TATDN1: variants seen among roughly 807,000 people sequenced by gnomAD.
TATDN1 encodes the protein deoxyribonuclease TATDN1.
In TATDN1, 40 loss-of-function variants were observed where a neutral mutation model predicts 46.4. That is an observed-to-expected ratio of 0.86 (90% CI 0.67 to 1.12). The LOEUF is 1.12. Among genes scored for constraint, TATDN1 ranks in the 50% most tolerant of loss-of-function variants. TATDN1 has a pLI of 0.00. For missense variants in TATDN1, 326 were observed against 348.4 expected (o/e 0.94, Z 0.51); for synonymous variants, 95 against 105.6 (o/e 0.90, Z 0.62).
chr8:124,507,012 A>C (rs890370649), intron 8 of TATDN1, among the ~76,000 whole-genome samples: 1 of 152,048 alleles, frequency 6.6e-6, no homozygotes, highest in Non-Finnish European at 1.5e-5. Context: ...AAATACAAAA[A>C]TTAGCTGGAC....
At chr8:124,488,919 T>C in intron 11 of TATDN1, 1 of 457,232 alleles carries the variant, frequency 2.2e-6, no homozygotes, top group Non-Finnish European at 3.9e-6. Flanking sequence ...AAGAACCAGG[T>C]TCAAGTAAAT....
intron 9 of TATDN1, among the ~76,000 whole-genome samples, chr8:124,497,803 C>T (rs1352412787): frequency 6.6e-6 from 1 of 151,864 alleles, no homozygotes; most frequent in Non-Finnish European, 1.5e-5. Flanking sequence ...TTCTATCAGC[C>T]CTTTACTTAT....
chr8:124,517,159 G>A (rs1255199162), intron 4 of TATDN1, among the ~76,000 whole-genome samples: 2 of 152,210 alleles, frequency 1.3e-5, no homozygotes, highest in Non-Finnish European at 2.9e-5. Flanking sequence ...GGTGGGTGAG[G>A]TGGCTTACGC....
chr8:124,518,686 C>A, intron 4 of TATDN1, 132 bp downstream of exon 4: 1 of 659,186 alleles, frequency 1.5e-6, no homozygotes. Flanking sequence ...TAATCATGTC[C>A]CATTTAAATC....
chr8:124,495,396 G>T, intron 10 of TATDN1, 76 bp downstream of exon 10: 1 of 1,129,934 alleles, frequency 8.9e-7, no homozygotes, highest in Non-Finnish European at 1.3e-6. Context: ...AAAGTTTGAA[G>T]TCAAATTTCT....
chr8:124,510,520 A>T (rs1363271476), intron 6 of TATDN1, among the ~76,000 whole-genome samples: 1 of 152,172 alleles, frequency 6.6e-6, no homozygotes, highest in Non-Finnish European at 1.5e-5. Context: ...GCAAAAGTAC[A>T]GTTTATGAAA....
At chr8:124,530,221 T>C (rs1820843218) in intron 1 of TATDN1, among the ~76,000 whole-genome samples, 1 of 152,174 alleles carries the variant, frequency 6.6e-6, no homozygotes, top group Non-Finnish European at 1.5e-5. Context: ...TTTGAAGGAA[T>C]TGGACCTGGA....
chr8:124,520,247 G>A (rs1029860358), intron 3 of TATDN1, among the ~76,000 whole-genome samples: 1 of 151,960 alleles, frequency 6.6e-6, no homozygotes, highest in East Asian at 1.9e-4. Context: ...GACCATCCTG[G>A]CCAACATGGC....
chr8:124,517,204 C>A (rs1184027155), intron 4 of TATDN1, among the ~76,000 whole-genome samples: 3 of 152,012 alleles, frequency 2.0e-5, no homozygotes, highest in Non-Finnish European at 1.5e-5. Flanking sequence ...GCAAGCCGGG[C>A]AGATCACGAG....
intron 1 of TATDN1, among the ~76,000 whole-genome samples, chr8:124,534,363 T>C (rs77794633): frequency 0.023 from 3,556 of 152,276 alleles, 130 homozygotes; most frequent in South Asian, 0.13. Context: ...TACTGGAACA[T>C]AGCCACACCT....
intron 3 of TATDN1, among the ~76,000 whole-genome samples, chr8:124,520,361 C>T (rs1819919159): frequency 6.6e-6 from 1 of 151,332 alleles, no homozygotes; most frequent in Non-Finnish European, 1.5e-5. Context: ...CACTTGAACC[C>T]GGGAGGCAGA....
At chr8:124,529,248 T>C (rs779965984) in intron 1 of TATDN1, among the ~76,000 whole-genome samples, 4 of 152,234 alleles carry the variant, frequency 2.6e-5, no homozygotes, top group Non-Finnish European at 4.4e-5. Context: ...CCGAGGTCTC[T>C]CATACTCCTA....
chr8:124,509,770 G>A lies in TATDN1; in HGVS notation c.390-1082C>T, dbSNP rs533002056. On this transcript the variant is annotated intron_variant, in intron 6 of 11. Coordinates refer to ENST00000276692, the MANE Select transcript of TATDN1 (RefSeq NM_032026.4). ...AAGCAGTCTTCAGGCCGGGCGTGGT[G>A]GCTCACACCTGTAATGCCAGCACTT... Among the ~76,000 whole-genome samples the A allele has an allele frequency of 3.3e-5, 5 of 152,290 alleles. No individual in the cohort carries two copies. The East Asian group carries it at 9.7e-4, about 29-fold the overall frequency.
At chr8:124,507,390 A>G (rs1265489445) in intron 8 of TATDN1, among the ~76,000 whole-genome samples, 1 of 152,342 alleles carries the variant, frequency 6.6e-6, no homozygotes, top group South Asian at 2.1e-4. Flanking sequence ...ATTTCAAAAC[A>G]TAAAAATTAG....
chr8:124,521,154 ACTCCAGGT>A (rs1820013748), intron 3 of TATDN1, among the ~76,000 whole-genome samples: 1 of 152,048 alleles, frequency 6.6e-6, no homozygotes, highest in Non-Finnish European at 1.5e-5. Context: ...GAGATAAAAG[ACTCCAGGT>A]TATAAAGCTA....
At chr8:124,492,951 G>A (rs1439731481) in intron 11 of TATDN1, among the ~76,000 whole-genome samples, 2 of 152,042 alleles carry the variant, frequency 1.3e-5, no homozygotes, top group Non-Finnish European at 2.9e-5. Flanking sequence ...CACCATGCCT[G>A]GCTGCTTCAG....
intron 9 of TATDN1, among the ~76,000 whole-genome samples, chr8:124,502,938 A>G (rs759172848): frequency 1.3e-4 from 20 of 152,206 alleles, no homozygotes; most frequent in Non-Finnish European, 2.1e-4. Flanking sequence ...TGGGAGGTCA[A>G]GGCTGCAGAG....
chr8:124,538,792 T>C (rs1306593374), intron 1 of TATDN1: 1 of 598,936 alleles, frequency 1.7e-6, no homozygotes, highest in Non-Finnish European at 3.0e-6. Flanking sequence ...ACAAAAATCA[T>C]AACTGTACGG....
intron 1 of TATDN1, among the ~76,000 whole-genome samples, chr8:124,535,254 G>A (rs757721444): frequency 1.3e-5 from 2 of 152,212 alleles, no homozygotes; most frequent in Non-Finnish European, 2.9e-5. Context: ...TGTGCACAAA[G>A]AAATGGGAGC....
Sources: gnomAD v4.1 joint callset for allele counts (sites outside exome capture counted in the v4.1 genomes callset) on GRCh38, gnomAD v4.1.1 for gene constraint, MANE v1.5 for transcripts, NCBI Gene and HGNC (gene_info 2026-07-23, HGNC 2026-07-21) for gene names.